The following LIPA variants were observed in gnomAD, a reference collection of about 807,000 sequenced individuals.
LIPA encodes the protein lipase A, lysosomal acid type, also known as lysosomal acid lipase/cholesteryl ester hydrolase.
A neutral mutation model predicts 40.6 loss-of-function variants in LIPA; 26 were observed. That is an observed-to-expected ratio of 0.64 (90% CI 0.47 to 0.89). The LOEUF (loss-of-function observed/expected upper bound fraction) is 0.89. LIPA is among the 40% of genes least tolerant of loss of function. The pLI is 0.00. For missense variants in LIPA, 455 were observed against 479.6 expected, an observed-to-expected ratio of 0.95 and a Z score of 0.48; for synonymous variants, 188 against 168.4, an observed-to-expected ratio of 1.12 and a Z score of -0.90.
chr10:89,250,787 T>C (rs1240939077), intron 1 of LIPA, among the ~76,000 whole-genome samples: 1 of 152,202 alleles, frequency 6.6e-6, no homozygotes, highest in African/African-American at 2.4e-5. Context: ...TTAGTATGTT[T>C]TTCTCAACAT....
At chr10:89,358,818 C>T (rs974140572) in intron 2 of LIPA, among the ~76,000 whole-genome samples, 2 of 151,706 alleles carry the variant, frequency 1.3e-5, no homozygotes, top group Non-Finnish European at 2.9e-5. Context: ...TTAATGGGCA[C>T]AAAAATGTCA....
chr10:89,287,318 T>C (rs1468826235), intron 1 of LIPA, among the ~76,000 whole-genome samples: 1 of 152,216 alleles, frequency 6.6e-6, no homozygotes, highest in African/African-American at 2.4e-5. Flanking sequence ...CTGTTTCCCT[T>C]GCCTCCATAA....
chr10:89,245,820 T>A, intron 2 of LIPA, 27 bp from the exon 3 acceptor site: 1 of 1,134,848 alleles, frequency 8.8e-7, no homozygotes, highest in Non-Finnish European at 1.3e-6. Context: ...CGATGGAAAT[T>A]GGGTGGACAG....
At chr10:89,283,844 C>G (rs929730589) in intron 1 of LIPA, 1 of 152,258 alleles carries the variant, frequency 6.6e-6, no homozygotes, top group Non-Finnish European at 1.5e-5. Context: ...TCAGCCTTTG[C>G]CAGAACACTG....
intron 1 of LIPA, chr10:89,338,418 T>G: frequency 2.2e-6 from 1 of 450,980 alleles, no homozygotes; most frequent in Non-Finnish European, 4.0e-6. Context: ...TTTTGTTCTA[T>G]TAAGGCCCTC....
At chr10:89,378,018 C>A in intron 2 of LIPA, 1 of 1,061,290 alleles carries the variant, frequency 9.4e-7, no homozygotes, top group Non-Finnish European at 1.4e-6. Flanking sequence ...CTGGATATAC[C>A]TCCCATATAT....
At chr10:89,258,252 T>C (rs899580158) in intron 1 of LIPA, among the ~76,000 whole-genome samples, 1 of 152,152 alleles carries the variant, frequency 6.6e-6, no homozygotes, top group Non-Finnish European at 1.5e-5. Flanking sequence ...ACAATGAACC[T>C]AGACCCTTAA....
intron 6 of LIPA, 137 bp from the exon 7 acceptor site, chr10:89,223,967 C>A: frequency 2.4e-6 from 2 of 823,558 alleles, no homozygotes. Context: ...AACCAGTGGA[C>A]ATCAAATCAG....
At chr10:89,295,010 G>GGAAGT (rs1843403942) in intron 1 of LIPA, among the ~76,000 whole-genome samples, 2 of 120,444 alleles carry the variant, frequency 1.7e-5, no homozygotes, top group African/African-American at 7.4e-5. Context: ...AGAAAGGAAA[G>GGAAGT]GAAATGAAAT....
chr10:89,231,287 A>G (rs909048584), intron 3 of LIPA, among the ~76,000 whole-genome samples: 1 of 152,210 alleles, frequency 6.6e-6, no homozygotes, highest in Non-Finnish European at 1.5e-5. Context: ...TATAGATTTG[A>G]TAACTAGCAA....
rs912826641 is a variant in LIPA, at chr10:89,392,853, G to C, written c.61+19938C>G. On this transcript the variant is annotated intron_variant, in intron 2 of 8. Transcript: ENST00000371837. Reference sequence around the variant, plus strand: ...CGATTTGAGTATCTGCTTATGGACTGAATGTGTGCATGCATGTGTGTGCAC... The same window carrying C: ...CGATTTGAGTATCTGCTTATGGACTCAATGTGTGCATGCATGTGTGTGCAC... The C allele has an allele frequency of 1.1e-5, 10 of 877,666 alleles. No homozygotes were observed. In the African/African-American group the frequency reaches 1.7e-4, roughly 15 times the overall value. 54.4% of individuals were successfully genotyped at this position (877,666 alleles called of 1,614,324 possible).
intron 7 of LIPA, among the ~76,000 whole-genome samples, chr10:89,223,221 T>C (rs1160833927): frequency 2.0e-5 from 3 of 152,068 alleles, no homozygotes; most frequent in African/African-American, 7.2e-5. Context: ...GTTACAAGGG[T>C]GGATTGCATG....
chr10:89,338,563 A>G lies in LIPA; in HGVS notation c.-2+4048T>C, dbSNP rs1353081877. ...ATAATGTTGGACCAAATATCTGGGC[A>G]TCCTGTGGCCCAGTTCAATTGACAT... On this transcript the variant is annotated intron_variant, in intron 1 of 5. Transcript: ENST00000282673. 3.5e-6 allele frequency: 4 copies of G among 1,158,376 alleles called. No homozygotes were observed. In the East Asian group the frequency reaches 9.4e-5, roughly 27 times the overall value. The allele number at this position is 1,158,376 out of a possible 1,614,324, so 71.8% of individuals were successfully genotyped here. A position where few individuals can be genotyped will look rare whatever the true frequency, so the allele number is the denominator to read the frequency against.
chr10:89,371,718 T>A (rs552628579), intron 2 of LIPA, among the ~76,000 whole-genome samples: 33 of 152,190 alleles, frequency 2.2e-4, no homozygotes, highest in Non-Finnish European at 4.4e-5. Context: ...GTACTACTTG[T>A]AAAGATCGCC....
chr10:89,339,736 C>A, intron 1 of LIPA: 1 of 1,614,152 alleles, frequency 6.2e-7, no homozygotes, highest in South Asian at 1.1e-5. Flanking sequence ...GCAACAATCC[C>A]ATCAGCGCTA....
At chr10:89,257,252 C>T (rs1564770525) in intron 1 of LIPA, among the ~76,000 whole-genome samples, 3 of 152,286 alleles carry the variant, frequency 2.0e-5, no homozygotes, top group South Asian at 4.1e-4. Context: ...CCCTTTATGG[C>T]CTTCCATGGG....
At chr10:89,386,025 T>C (rs1844208422) in intron 2 of LIPA, among the ~76,000 whole-genome samples, 1 of 152,208 alleles carries the variant, frequency 6.6e-6, no homozygotes, top group African/African-American at 2.4e-5. Context: ...CAAGAATTTT[T>C]ATAATTTTTA....
intron 2 of LIPA, among the ~76,000 whole-genome samples, chr10:89,375,039 C>T (rs1048778101): frequency 1.3e-5 from 2 of 152,186 alleles, no homozygotes; most frequent in African/African-American, 2.4e-5. Context: ...TGGAAGGGCT[C>T]CAGCTAATGG....
intron 2 of LIPA, among the ~76,000 whole-genome samples, chr10:89,359,430 A>G (rs796320745): frequency 1.4e-4 from 21 of 152,342 alleles, no homozygotes; most frequent in African/African-American, 4.6e-4. Context: ...TGTTAACTGC[A>G]TTCCTGGTCA....
Sources: gnomAD v4.1 joint callset for allele counts (sites outside exome capture counted in the v4.1 genomes callset) on GRCh38, gnomAD v4.1.1 for gene constraint, MANE v1.5 for transcripts, NCBI Gene and HGNC (gene_info 2026-07-23, HGNC 2026-07-21) for gene names.